BAHCC1: variants seen among roughly 807,000 people sequenced by gnomAD.
BAHCC1 encodes the protein BAH domain and coiled-coil containing 1.
In BAHCC1, 43 loss-of-function variants were observed where a neutral mutation model predicts 88.2. The observed-to-expected ratio is 0.49, with a 90% CI of 0.38 to 0.63. The LOEUF (loss-of-function observed/expected upper bound fraction) is 0.63. Among genes scored for constraint, BAHCC1 ranks in the 20% least tolerant of loss-of-function variants. BAHCC1 has a pLI of 0.00. For synonymous variants in BAHCC1, 1,510 were observed against 745.5 expected, an observed-to-expected ratio of 2.03 and a Z score of -16.71; for missense variants, 3,023 against 1,654.8, an observed-to-expected ratio of 1.83 and a Z score of -14.34.
chr17:81,428,488 C>T (rs909091543), intron 3 of BAHCC1, among the ~76,000 whole-genome samples: 3 of 152,208 alleles, frequency 2.0e-5, no homozygotes, highest in Admixed American at 2.0e-4. Context: ...GACTTGGTTT[C>T]CCCTCCTGGC....
chr17:81,398,405 C>T (rs797041742), intron 1 of BAHCC1, among the ~76,000 whole-genome samples: 116 of 152,342 alleles, frequency 7.6e-4, no homozygotes, highest in African/African-American at 2.5e-3. Context: ...GCAGGGTCTG[C>T]TGGCAGAAGG....
rs781945518 is a variant in BAHCC1 at position 81,444,366 on chromosome 17, C to T, written c.2325-15C>T. On this transcript the variant is annotated splice_polypyrimidine_tract_variant and intron_variant, in intron 6 of 27. Coordinates refer to ENST00000675386, the MANE Select transcript of BAHCC1 (RefSeq NM_001377448.1). Reference sequence around the variant, plus strand: ...CCTTGGCGCCGGCGGCAGGGCTGAGCCCCAGGTCTTACAGGGACAGCAAAG... The same window carrying T: ...CCTTGGCGCCGGCGGCAGGGCTGAGTCCCAGGTCTTACAGGGACAGCAAAG... 4 of 726,368 alleles carry T rather than the reference C, an allele frequency of 5.5e-6. No homozygotes were observed. The highest frequency in any genetic ancestry group is 7.6e-6 in the Non-Finnish European group (3 of 392,822). The allele number at this position is 726,368 out of a possible 1,614,324, so 45.0% of individuals were successfully genotyped here.
At chr17:81,416,008 G>A (rs899403889) in intron 2 of BAHCC1, among the ~76,000 whole-genome samples, 5 of 149,674 alleles carry the variant, frequency 3.3e-5, no homozygotes, top group African/African-American at 7.4e-5. Flanking sequence ...GTGTATGCGC[G>A]TGTGTGTGTG....
intron 2 of BAHCC1, among the ~76,000 whole-genome samples, chr17:81,420,933 T>C (rs1023105549): frequency 6.6e-6 from 1 of 152,250 alleles, no homozygotes; most frequent in Non-Finnish European, 1.5e-5. Flanking sequence ...CAGGCCGTGT[T>C]CAGCCCCCAG....
intron 2 of BAHCC1, among the ~76,000 whole-genome samples, chr17:81,413,611 C>T (rs1266505555): frequency 6.6e-6 from 1 of 152,212 alleles, no homozygotes; most frequent in African/African-American, 2.4e-5. Flanking sequence ...GACGTCCTGC[C>T]TTGGTGGAGT....
At chr17:81,447,887 C>T (rs1568025096) in intron 11 of BAHCC1, 39 bp downstream of exon 11, 4 of 713,556 alleles carry the variant, frequency 5.6e-6, no homozygotes, top group Non-Finnish European at 1.0e-5. Context: ...AGAGTCCCAG[C>T]AGTGGGACCC....
At chr17:81,453,247 G>A (rs552934427) in intron 14 of BAHCC1, among the ~76,000 whole-genome samples, 8 of 152,322 alleles carry the variant, frequency 5.3e-5, no homozygotes, top group East Asian at 1.9e-4. Flanking sequence ...AGCTGCTCAC[G>A]GCTGCCGGCG....
intron 2 of BAHCC1, among the ~76,000 whole-genome samples, chr17:81,417,186 C>G (rs1485166050): frequency 6.6e-6 from 1 of 152,164 alleles, no homozygotes; most frequent in African/African-American, 2.4e-5. Context: ...ACCGGGGTGT[C>G]CGTCTCCCCG....
chr17:81,458,593 A>G (rs781966705), intron 18 of BAHCC1, 28 bp from the exon 19 acceptor site: 34 of 702,062 alleles, frequency 4.8e-5, no homozygotes, highest in Non-Finnish European at 7.9e-5. Context: ...CCCTTGACTC[A>G]GCCCCTTCTC....
At position 81,435,937 on chromosome 17, in the gene BAHCC1, C is replaced by T. The variant is rs781901071; in HGVS notation, c.359-2433C>T. Among the ~76,000 whole-genome samples, 55 of 152,318 alleles carry T rather than the reference C, an allele frequency of 3.6e-4. No individual in the cohort carries two copies. In the Middle Eastern group the frequency reaches 0.014, roughly 38 times the overall value. ...TTCATAAAAATCATTTTTAAATTTT[C>T]TTTCTCAGTTTTGAGAGTATGGTCT... is the stretch of plus-strand genomic sequence containing the variant. On this transcript the variant is annotated intron_variant, in intron 3 of 27. Transcript: ENST00000675386. The surrounding 1 kb of genome is among the most constrained non-coding windows in gnomAD (Gnocchi z 4.4).
chr17:81,400,884 C>T (rs1446831171), intron 2 of BAHCC1: 1 of 154,038 alleles, frequency 6.5e-6, no homozygotes. Flanking sequence ...CCCTAGAGGT[C>T]ACCAGGCGGC....
intron 2 of BAHCC1, among the ~76,000 whole-genome samples, chr17:81,409,266 G>A (rs1365042371): frequency 1.3e-5 from 2 of 152,234 alleles, no homozygotes; most frequent in African/African-American, 4.8e-5. Flanking sequence ...ACACCTTAAA[G>A]GGTGTCAGAG....
chr17:81,460,784 G>A, intron 25 of BAHCC1, 78 bp downstream of exon 25: 1 of 773,416 alleles, frequency 1.3e-6, no homozygotes, highest in Non-Finnish European at 2.4e-6. Context: ...GGCCCGTGGG[G>A]TAGGCAGGGT....
rs2064515815 is a variant in BAHCC1 at position 81,445,790 on chromosome 17, T to A, written c.3163+109T>A. 4 of 637,606 alleles carry A rather than the reference T, an allele frequency of 6.3e-6. No homozygotes were observed. The African/African-American group carries it at 7.3e-5, about 12-fold the overall frequency. The allele number at this position is 637,606 out of a possible 1,614,324, so 39.5% of individuals were successfully genotyped here. A position where few individuals can be genotyped will look rare whatever the true frequency, so the allele number is the denominator to read the frequency against. Reference sequence around the variant, plus strand: ...GCTGCCTGCAGGGAGGCGCCACACCTGCCCAGACCCAGGGCAGCATGGCTG... The same window carrying A: ...GCTGCCTGCAGGGAGGCGCCACACCAGCCCAGACCCAGGGCAGCATGGCTG... On this transcript the variant is annotated intron_variant, in intron 10 of 27. Transcript: ENST00000675386.
chr17:81,398,885 C>T (rs1190876590), intron 1 of BAHCC1, among the ~76,000 whole-genome samples: 1 of 149,244 alleles, frequency 6.7e-6, no homozygotes. Context: ...GAAGAATGGG[C>T]CGAAAGATGC....
At chr17:81,462,563 C>A (rs2030393457) in intron 26 of BAHCC1, 177 bp from the exon 27 acceptor site, 1 of 585,002 alleles carries the variant, frequency 1.7e-6, no homozygotes, top group Non-Finnish European at 3.0e-6. Flanking sequence ...TGCTCCAGAT[C>A]CATGGCTGCC....
intron 2 of BAHCC1, among the ~76,000 whole-genome samples, chr17:81,415,307 G>A (rs1474026503): frequency 6.6e-6 from 1 of 152,270 alleles, no homozygotes; most frequent in African/African-American, 2.4e-5. Context: ...TCGCAGCAGG[G>A]TGCTGCCTGG....
chr17:81,434,475 G>A lies in BAHCC1; in HGVS notation c.359-3895G>A, dbSNP rs2064309357. 1.3e-5 allele frequency among the ~76,000 whole-genome samples: 2 copies of A among 152,152 alleles called. No individual in the cohort carries two copies. Among genetic ancestry groups the A allele is most frequent in the African/African-American group, 4.8e-5 (2 of 41,418 alleles). ...TTGTCCTCAAAGGCGTGCGGGCTGG[G>A]GCAGGGCGCTCGAGGTGTGCTTCAG... On this transcript the variant is annotated intron_variant, in intron 3 of 27. Coordinates refer to ENST00000675386, the MANE Select transcript of BAHCC1 (RefSeq NM_001377448.1). The surrounding 1 kb of genome is among the most constrained non-coding windows in gnomAD (Gnocchi z 4.9).
intron 3 of BAHCC1, among the ~76,000 whole-genome samples, chr17:81,438,129 G>A (rs1266812880): frequency 7.2e-5 from 11 of 152,326 alleles, no homozygotes; most frequent in African/African-American, 2.4e-4. Context: ...CCCCTCGTCC[G>A]TCCTCCCCTC....
Sources: gnomAD v4.1 joint callset for allele counts (sites outside exome capture counted in the v4.1 genomes callset) on GRCh38, gnomAD v4.1.1 for gene constraint, Gnocchi (gnomAD v3.1) non-coding constraint, MANE v1.5 for transcripts, NCBI Gene and HGNC (gene_info 2026-07-23, HGNC 2026-07-21) for gene names.